The following PLEKHG4B variants were observed in gnomAD, a reference collection of about 807,000 sequenced individuals.
PLEKHG4B encodes the protein pleckstrin homology and RhoGEF domain containing G4B.
A neutral mutation model predicts 121.3 loss-of-function variants in PLEKHG4B; 111 were observed. That is an observed-to-expected ratio of 0.92 (90% CI 0.78 to 1.07). PLEKHG4B has a LOEUF of 1.07. Ranked by LOEUF, PLEKHG4B falls within the 50% of genes least tolerant of loss-of-function variation. The pLI is 0.00. For synonymous variants in PLEKHG4B, 738 were observed against 725.0 expected (o/e 1.02, Z -0.29); for missense variants, 1,831 against 1,757.8 (o/e 1.04, Z -0.74).
Position 182,196 on chromosome 5 carries a change from C to T in PLEKHG4B, c.4757C>T (p.Pro1586Leu). 1 of 1,613,938 alleles carries T rather than the reference C, an allele frequency of 6.2e-7. No homozygotes were observed. Among genetic ancestry groups the T allele is most frequent in the Non-Finnish European group, 8.5e-7 (1 of 1,180,030 alleles). The change falls in exon 20 of 20, where the codon CCC becomes CTC. Residue 1586 changes from proline (P) to leucine (L), a missense_variant. Pro to Leu is a moderately conservative substitution (Grantham distance 98). Transcript: ENST00000637938. ...GGCCTATGGAGCCCTGCCCACAGCC[C>T]CTGGTCATCTGATATCAGAGCCTGC... ...HPGLWSPAHS[P>L]WSSDIRACVE...
chr5:117,756 G>A (rs1180607594), intron 2 of PLEKHG4B, among the ~76,000 whole-genome samples: 3 of 152,172 alleles, frequency 2.0e-5, no homozygotes, highest in Non-Finnish European at 4.4e-5. Flanking sequence ...AGGAGGCTGA[G>A]GCAGGAGAAT....
chr5:148,250 G>T (rs1183274472), intron 6 of PLEKHG4B, among the ~76,000 whole-genome samples: 1 of 151,302 alleles, frequency 6.6e-6, no homozygotes, highest in Non-Finnish European at 1.5e-5. Context: ...TGGGGGGTGG[G>T]GGAGAAGAGG....
Position 171,413 on chromosome 5 carries a change from T to C in PLEKHG4B, c.4019T>C (p.Leu1340Pro). The C allele has an allele frequency of 6.2e-7, 1 of 1,604,418 alleles. No individual in the cohort carries two copies. The highest frequency in any genetic ancestry group is 8.5e-7 in the Non-Finnish European group (1 of 1,177,722). Residue 1340 changes from leucine (L) to proline (P), a missense_variant, in exon 16 of 20, where the codon CTG (leucine) becomes CCG (proline). By Grantham distance (98) the Leu-to-Pro change is moderately conservative (BLOSUM62 -3). Coordinates refer to ENST00000637938, the MANE Select transcript of PLEKHG4B (RefSeq NM_052909.5). ...VCFQLRHGND[L>P]LAMDAIRGCD... ...TTCCAGCTGCGTCACGGCAATGACC[T>C]GCTGGCCATGGACGCCATCCGCGGC... is the stretch of plus-strand genomic sequence containing the variant.
In PLEKHG4B at chr5:162,841, A is replaced by G. The variant is rs779013564; in HGVS notation, c.2769A>G (p.Ala923=). Residue 923 remains alanine (A), a synonymous_variant, in exon 13 of 20, where the codon GCA becomes GCG. Coordinates refer to ENST00000637938, the MANE Select transcript of PLEKHG4B (RefSeq NM_052909.5). ...TSVAAEAFPG[A]GVAVLKPHAL... is the part of the protein sequence containing the mutation. ...TGGCTGCAGAGGCCTTCCCCGGGGC[A>G]GGTGTGGCAGTGCTGAAGCCTCATG... 6.6e-7 allele frequency: 1 copy of G among 1,511,698 alleles called. No homozygotes were observed. The highest frequency in any genetic ancestry group is 2.2e-5 in the Admixed American group (1 of 44,868). The allele number at this position is 1,511,698 out of a possible 1,614,324, so 93.6% of individuals were successfully genotyped here.
At chr5:174,198 G>T in intron 18 of PLEKHG4B, 100 bp downstream of exon 18, 1 of 1,036,694 alleles carries the variant, frequency 9.6e-7, no homozygotes, top group Non-Finnish European at 1.3e-6. Context: ...CTGAGTCCAG[G>T]GGCCAGGGGG....
In PLEKHG4B at chr5:162,424, G is replaced by A. The variant is rs779574031; in HGVS notation, c.2650-298G>A. On this transcript the variant is annotated intron_variant, in intron 12 of 19. Coordinates refer to ENST00000637938, the MANE Select transcript of PLEKHG4B (RefSeq NM_052909.5). ...AGGGTAGAGCCGTCTGCCCCGTCAC[G>A]CCTCTCTCAGCTCACAGGATGTGGC... Among the ~76,000 whole-genome samples, 10 of 152,328 alleles carry A rather than the reference G, an allele frequency of 6.6e-5. No individual in the cohort carries two copies. In the East Asian group the frequency reaches 1.2e-3, roughly 18 times the overall value.
At chr5:102,452 A>G (rs2126337973) in intron 1 of PLEKHG4B, among the ~76,000 whole-genome samples, 1 of 152,322 alleles carries the variant, frequency 6.6e-6, no homozygotes, top group Middle Eastern at 3.4e-3. Flanking sequence ...AATAAAAGCA[A>G]GATATTTTGG....
At chr5:161,175 G>T (rs1560939617) in intron 11 of PLEKHG4B, among the ~76,000 whole-genome samples, 1 of 152,260 alleles carries the variant, frequency 6.6e-6, no homozygotes, top group Non-Finnish European at 1.5e-5. Context: ...CCTTGGTCTT[G>T]TCACCAGGGC....
intron 2 of PLEKHG4B, among the ~76,000 whole-genome samples, chr5:117,319 T>G (rs2126362899): frequency 6.6e-6 from 1 of 152,290 alleles, no homozygotes; most frequent in South Asian, 2.1e-4. Flanking sequence ...TCAATTCTGT[T>G]TTTATTCATT....
chr5:161,842 G>T lies in PLEKHG4B; in HGVS notation c.2547G>T (p.Met849Ile). 6.2e-7 allele frequency: 1 copy of T among 1,613,944 alleles called. No homozygotes were observed. Among genetic ancestry groups the T allele is most frequent in the Non-Finnish European group, 8.5e-7 (1 of 1,180,024 alleles). ...AKENPQRTEE[M>I]VQDFRRGLSA... ...AGAACCCGCAACGTACAGAGGAAAT[G>T]GTCCAGGATTTCAGAAGGGGCCTGA... Residue 849 changes from methionine to isoleucine, a missense_variant, in exon 12 of 20, where the codon ATG becomes ATT. Coordinates refer to ENST00000637938, the MANE Select transcript of PLEKHG4B (RefSeq NM_052909.5).
chr5:168,094 G>A (rs1736411545), intron 13 of PLEKHG4B, among the ~76,000 whole-genome samples: 1 of 152,208 alleles, frequency 6.6e-6, no homozygotes, highest in South Asian at 2.1e-4. Flanking sequence ...CGGAGGTAGT[G>A]AGACTTCGGG....
chr5:126,290 C>T (rs988974005), intron 2 of PLEKHG4B, among the ~76,000 whole-genome samples: 2 of 152,206 alleles, frequency 1.3e-5, no homozygotes, highest in African/African-American at 4.8e-5. Flanking sequence ...CTTCTGCCTG[C>T]TCAAATCCAC....
Position 101,854 on chromosome 5 carries a change from T to A in PLEKHG4B, c.45+9578T>A, listed in dbSNP as rs1407141504. Among the ~76,000 whole-genome samples, 330 of 79,140 alleles carry A rather than the reference T, an allele frequency of 4.2e-3. 2 individuals carry two copies. Among genetic ancestry groups the A allele is most frequent in the Admixed American group, 0.033 (284 of 8,668 alleles). 51.9% of individuals were successfully genotyped at this position (79,140 alleles called of 152,430 possible). ...TATAGGGGAGAGACTGTTGTGAGGT[T>A]AATCCATATAAAGCCCTGGAAAAAG... On this transcript the variant is annotated intron_variant, in intron 1 of 19. Transcript: ENST00000637938.
intron 16 of PLEKHG4B, among the ~76,000 whole-genome samples, chr5:172,215 C>T (rs1049468023): frequency 4.6e-5 from 7 of 152,352 alleles, no homozygotes; most frequent in South Asian, 2.1e-4. Context: ...TGTGTGGAGG[C>T]GCCTCAGGCT....
Position 143,046 on chromosome 5 carries a change from G to C in PLEKHG4B, c.1478-1G>C. The C allele has an allele frequency of 6.2e-7, 1 of 1,613,178 alleles. No homozygotes were observed. Among genetic ancestry groups the C allele is most frequent in the Non-Finnish European group, 8.5e-7 (1 of 1,179,794 alleles). ...TGACACGGCCTCTTTCCTTTGTCCAGACGTTCTTGCATCCTCAGCCTGTGT... is the reference window on the plus strand; with the variant it reads ...TGACACGGCCTCTTTCCTTTGTCCACACGTTCTTGCATCCTCAGCCTGTGT... On this transcript the variant is annotated splice_acceptor_variant, in intron 3 of 19. Coordinates refer to ENST00000637938, the MANE Select transcript of PLEKHG4B (RefSeq NM_052909.5). LOFTEE classifies it high-confidence loss of function.
chr5:154,041 A>G (rs761104040), intron 7 of PLEKHG4B, among the ~76,000 whole-genome samples: 12 of 148,744 alleles, frequency 8.1e-5, no homozygotes, highest in East Asian at 2.0e-4. Flanking sequence ...GTCTCGTTCT[A>G]TGTCGCCAGG....
Position 183,191 on chromosome 5 carries a change from A to G in PLEKHG4B, c.*868A>G, listed in dbSNP as rs1232496574. On this transcript the variant is annotated 3_prime_UTR_variant, in exon 20 of 20. Transcript: ENST00000637938. Reference sequence around the variant, plus strand: ...CTGCTCCTGACTCGCCTACAAAATCATAAAAGCAAGACCTAAAATGATCAA... The same window carrying G: ...CTGCTCCTGACTCGCCTACAAAATCGTAAAAGCAAGACCTAAAATGATCAA... 6.6e-6 allele frequency: 1 copy of G among 152,220 alleles called. No individual in the cohort carries two copies. Among genetic ancestry groups the G allele is most frequent in the African/African-American group, 2.4e-5 (1 of 41,424 alleles). The allele number at this position is 152,220 out of a possible 1,614,324, so 9.4% of individuals were successfully genotyped here.
At chr5:101,438 A>G (rs1347000632) in intron 1 of PLEKHG4B, among the ~76,000 whole-genome samples, 2 of 125,734 alleles carry the variant, frequency 1.6e-5, no homozygotes, top group Admixed American at 7.4e-5. Flanking sequence ...GTAAATCCAT[A>G]TAAAGCCCGG....
At position 182,504 on chromosome 5, in the gene PLEKHG4B, C is replaced by T. The variant is rs766310069; in HGVS notation, c.*181C>T. The T allele has an allele frequency of 2.5e-5, 16 of 628,116 alleles. No homozygotes were observed. The highest frequency in any genetic ancestry group is 4.0e-5 in the Non-Finnish European group (15 of 375,960). 38.9% of individuals were successfully genotyped at this position (628,116 alleles called of 1,614,324 possible). A position where few individuals can be genotyped will look rare whatever the true frequency, so the allele number is the denominator to read the frequency against. On this transcript the variant is annotated 3_prime_UTR_variant, in exon 20 of 20. Transcript: ENST00000637938. ...TTAGACATTCCCTAACATTTTCAAACAAATTTATAATTTTGTCTTATTTAA... is the reference window on the plus strand; with the variant it reads ...TTAGACATTCCCTAACATTTTCAAATAAATTTATAATTTTGTCTTATTTAA...
Sources: gnomAD v4.1 joint callset for allele counts (sites outside exome capture counted in the v4.1 genomes callset) on GRCh38, gnomAD v4.1.1 for gene constraint, MANE v1.5 for transcripts, NCBI Gene and HGNC (gene_info 2026-07-23, HGNC 2026-07-21) for gene names.